Variants in STON1 observed in about 807,000 individuals in gnomAD.
The protein encoded by STON1 is stonin-1.
A neutral mutation model predicts 60.9 loss-of-function variants in STON1; 79 were observed. That is an observed-to-expected ratio of 1.30 (90% CI 1.08 to 1.56). The LOEUF is 1.56. STON1 is among the 40% of genes most tolerant of loss of function. The probability of loss-of-function intolerance (pLI) is 0.00; values close to 1 mark genes in which losing one functional copy is unlikely to be tolerated. For missense variants in STON1, 1,166 were observed against 858.9 expected (o/e 1.36, Z -4.47); for synonymous variants, 363 against 306.9 (o/e 1.18, Z -1.91).
chr2:48,568,813 A>G (rs1182287620), intron 1 of STON1, among the ~76,000 whole-genome samples: 1 of 152,234 alleles, frequency 6.6e-6, no homozygotes, highest in Admixed American at 6.5e-5. Flanking sequence ...TCCAAGGGGC[A>G]GATACGTGTG....
Position 48,580,723 on chromosome 2 carries a change from G to A in STON1, c.90G>A (p.Glu30=). The A allele has an allele frequency of 1.3e-6, 2 of 1,494,522 alleles. No individual in the cohort carries two copies. The highest frequency in any genetic ancestry group is 1.8e-6 in the Non-Finnish European group (2 of 1,121,210). The allele number at this position is 1,494,522 out of a possible 1,614,324, so 92.6% of individuals were successfully genotyped here. Residue 30 remains glutamate, a synonymous_variant, in exon 2 of 4, where the codon GAG becomes GAA. Transcript: ENST00000404752. ...SSQKSKNFPL[E]NQGVCRPNGL... Reference sequence around the variant, plus strand: ...AAAAGTCAAAGAATTTTCCTCTGGAGAATCAAGGTGTCTGTAGACCAAATG... The same window carrying A: ...AAAAGTCAAAGAATTTTCCTCTGGAAAATCAAGGTGTCTGTAGACCAAATG...
intron 1 of STON1, among the ~76,000 whole-genome samples, chr2:48,538,763 A>ATTTTTTTTTTTTTT (rs34052598): frequency 4.6e-5 from 4 of 86,364 alleles, no homozygotes; most frequent in Non-Finnish European, 6.6e-5. Context: ...ACACCCAGCT[A>ATTTTTTTTTTTTTT]TTTTTTTTTT....
chr2:48,564,305 C>T (rs1672732152), intron 1 of STON1, among the ~76,000 whole-genome samples: 1 of 151,538 alleles, frequency 6.6e-6, no homozygotes, highest in Non-Finnish European at 1.5e-5. Context: ...AGGGTACTAG[C>T]ATGGTTGGGT....
chr2:48,592,595 CTAT>C (rs3047606), intron 3 of STON1, among the ~76,000 whole-genome samples: 27,161 of 136,358 alleles, frequency 0.2, 2,961 homozygotes, highest in Middle Eastern at 0.31. Context: ...CCACACCCAG[CTAT>C]TATTATTATT....
At chr2:48,547,555 T>G (rs1572933344) in intron 1 of STON1, among the ~76,000 whole-genome samples, 1 of 152,146 alleles carries the variant, frequency 6.6e-6, no homozygotes, top group Admixed American at 6.5e-5. Flanking sequence ...TGGCCTGAGA[T>G]CACCAGGAAA....
chr2:48,589,209 T>C (rs1469548039), intron 2 of STON1, among the ~76,000 whole-genome samples: 3 of 152,194 alleles, frequency 2.0e-5, no homozygotes, highest in Admixed American at 6.5e-5. Context: ...TGCTATTCTT[T>C]CCCTTCGGCC....
chr2:48,580,506 T>A (rs984461498), intron 1 of STON1, 81 bp from the exon 2 acceptor site: 1 of 1,245,210 alleles, frequency 8.0e-7, no homozygotes, highest in South Asian at 3.7e-5. Flanking sequence ...TTTAAGCATT[T>A]ATCAGAAGTA....
At chr2:48,572,053 C>T (rs1401553133) in intron 1 of STON1, among the ~76,000 whole-genome samples, 1 of 152,144 alleles carries the variant, frequency 6.6e-6, no homozygotes, top group Non-Finnish European at 1.5e-5. Context: ...ATCCCAGCTA[C>T]TCGGGAGGCT....
intron 1 of STON1, among the ~76,000 whole-genome samples, chr2:48,550,932 A>G (rs1183243141): frequency 2.0e-5 from 3 of 151,984 alleles, no homozygotes; most frequent in Non-Finnish European, 4.4e-5. Context: ...GAGCAATTGT[A>G]TGGTTGGCAT....
intron 1 of STON1, among the ~76,000 whole-genome samples, chr2:48,539,749 A>G (rs1428707309): frequency 6.6e-6 from 1 of 152,108 alleles, no homozygotes; most frequent in Non-Finnish European, 1.5e-5. Context: ...CTGGGATTAC[A>G]GGCGTGAGCC....
In STON1 at chr2:48,576,502, T is replaced by A. The variant is rs1017985295; in HGVS notation, c.-47-4085T>A. On this transcript the variant is annotated intron_variant, in intron 1 of 3. Coordinates refer to ENST00000404752, the MANE Select transcript of STON1 (RefSeq NM_006873.4). ...ACTGTGCCTGGCCATATTATCCTTT[T>A]TTTTTTTTTTTTTAAAAGAAAATAA... 1.4e-4 allele frequency among the ~76,000 whole-genome samples: 10 copies of A among 69,598 alleles called. No individual in the cohort carries two copies. The East Asian group carries it at 3.4e-3, about 24-fold the overall frequency. 45.7% of individuals were successfully genotyped at this position (69,598 alleles called of 152,430 possible).
chr2:48,546,860 C>T (rs1374858111), intron 1 of STON1, among the ~76,000 whole-genome samples: 1 of 152,188 alleles, frequency 6.6e-6, no homozygotes, highest in East Asian at 1.9e-4. Flanking sequence ...GCTGCTGTGC[C>T]TGGCTATACA....
At chr2:48,574,891 C>G (rs1002393815) in intron 1 of STON1, among the ~76,000 whole-genome samples, 2 of 152,236 alleles carry the variant, frequency 1.3e-5, no homozygotes, top group African/African-American at 2.4e-5. Flanking sequence ...AGGAAATCTA[C>G]TCTTTTAAAA....
At position 48,595,689 on chromosome 2, in the gene STON1, C is replaced by T. The variant is rs1572657055; in HGVS notation, c.*387C>T. The T allele has an allele frequency of 4.1e-6, 1 of 246,644 alleles. No individual in the cohort carries two copies. Among genetic ancestry groups the T allele is most frequent in the Non-Finnish European group, 7.8e-6 (1 of 128,702 alleles). The allele number at this position is 246,644 out of a possible 1,614,324, so 15.3% of individuals were successfully genotyped here. Reference sequence around the variant, plus strand: ...CCCATCTCTTCTTGCTGCTTAGTGTCTGTACTAGAGGGTAAGGGAATCAAA... The same window carrying T: ...CCCATCTCTTCTTGCTGCTTAGTGTTTGTACTAGAGGGTAAGGGAATCAAA... On this transcript the variant is annotated 3_prime_UTR_variant, in exon 4 of 4. Transcript: ENST00000404752.
At chr2:48,550,623 C>G (rs1262382420) in intron 1 of STON1, among the ~76,000 whole-genome samples, 1 of 149,908 alleles carries the variant, frequency 6.7e-6, no homozygotes, top group Non-Finnish European at 1.5e-5. Flanking sequence ...ATGCACATAA[C>G]CAAACCATGG....
intron 1 of STON1, among the ~76,000 whole-genome samples, chr2:48,579,574 GA>G (rs1673752294): frequency 6.6e-6 from 1 of 152,030 alleles, no homozygotes; most frequent in African/African-American, 2.4e-5. Context: ...ATTGTGGTTA[GA>G]AAAAATGTTT....
At chr2:48,570,070 C>T (rs1673123045) in intron 1 of STON1, among the ~76,000 whole-genome samples, 1 of 152,216 alleles carries the variant, frequency 6.6e-6, no homozygotes, top group Non-Finnish European at 1.5e-5. Context: ...CATGGTGGCT[C>T]ATGCCTGTAA....
chr2:48,570,731 T>G (rs750364442), intron 1 of STON1, among the ~76,000 whole-genome samples: 1 of 152,164 alleles, frequency 6.6e-6, no homozygotes, highest in Non-Finnish European at 1.5e-5. Flanking sequence ...AGCAAACACT[T>G]TCCTAGAAAC....
intron 1 of STON1, among the ~76,000 whole-genome samples, chr2:48,576,881 T>C (rs1673538962): frequency 6.6e-6 from 1 of 150,914 alleles, no homozygotes; most frequent in Non-Finnish European, 1.5e-5. Flanking sequence ...GGTGAAACCC[T>C]GTCTCTACTA....
Sources: allele counts gnomAD v4.1 joint callset (sites outside exome capture counted in the v4.1 genomes callset), GRCh38; gene constraint gnomAD v4.1.1; transcripts MANE v1.5; gene names NCBI Gene and HGNC (gene_info 2026-07-23, HGNC 2026-07-21).